Variants in NIBAN1 observed in about 807,000 individuals in gnomAD.
The protein encoded by NIBAN1 is protein Niban 1.
Under a neutral mutation model 75.1 loss-of-function variants are expected in NIBAN1, and 81 were observed. That is an observed-to-expected ratio of 1.08 (90% CI 0.90 to 1.30). NIBAN1 has a LOEUF of 1.30. Ranked by LOEUF, NIBAN1 falls within the 50% of genes most tolerant of loss-of-function variation. The probability of loss-of-function intolerance (pLI) is 0.00; values close to 1 mark genes in which losing one functional copy is unlikely to be tolerated. For missense variants in NIBAN1, 1,133 were observed against 1,128.1 expected (o/e 1.00, Z -0.06); for synonymous variants, 436 against 424.8 (o/e 1.03, Z -0.32).
At chr1:184,894,305 T>A in intron 2 of NIBAN1, 99 bp from the exon 3 acceptor site, 3 of 1,284,992 alleles carry the variant, frequency 2.3e-6, no homozygotes, top group Non-Finnish European at 3.1e-6. Flanking sequence ...TTTAGGAAAC[T>A]ATCTTCCACT....
intron 1 of NIBAN1, among the ~76,000 whole-genome samples, chr1:184,936,693 G>A (rs893082777): frequency 1.3e-5 from 2 of 152,148 alleles, no homozygotes; most frequent in African/African-American, 4.8e-5. Context: ...CACACTGCGT[G>A]CGTGCGTGTG....
chr1:184,898,691 A>C (rs754743248), intron 2 of NIBAN1, among the ~76,000 whole-genome samples: 4 of 152,166 alleles, frequency 2.6e-5, no homozygotes, highest in Non-Finnish European at 5.9e-5. Flanking sequence ...TAATTTGTTT[A>C]TTACCCGTTT....
rs145686869 is a variant in NIBAN1, at chr1:184,791,895, T to C, written c.*3082A>G. On this transcript the variant is annotated 3_prime_UTR_variant, in exon 14 of 14. Transcript: ENST00000367511. ...ATGTTAAAATGAAGACAGAGTATTT[T>C]AAATGCACTCTAGTTTCCTGTTCCA... 75 of 152,294 alleles carry C rather than the reference T, an allele frequency of 4.9e-4. No individual in the cohort carries two copies. Among genetic ancestry groups the C allele is most frequent in the African/African-American group, 1.8e-3 (73 of 41,552 alleles). The allele number at this position is 152,294 out of a possible 1,614,324, so 9.4% of individuals were successfully genotyped here.
intron 5 of NIBAN1, chr1:184,867,937 A>G (rs1656000976): frequency 3.0e-6 from 3 of 985,454 alleles, no homozygotes; most frequent in Non-Finnish European, 3.6e-6. Flanking sequence ...ACAACGGGAC[A>G]GTGTGGCAGT....
intron 1 of NIBAN1, among the ~76,000 whole-genome samples, chr1:184,956,033 G>GTTTTT (rs1553231287): frequency 1.4e-5 from 2 of 148,032 alleles, no homozygotes; most frequent in African/African-American, 5.0e-5. Flanking sequence ...CTTTTTGTTT[G>GTTTTT]TTTTTTTTTT....
rs533849823 is a variant in NIBAN1, at chr1:184,956,752, T to A, written c.55+17550A>T. Among the ~76,000 whole-genome samples the A allele has an allele frequency of 2.0e-5, 3 of 152,192 alleles. No individual in the cohort carries two copies. The East Asian group carries it at 5.8e-4, about 29-fold the overall frequency. The stretch of plus-strand genomic sequence containing the variant: ...TTAAAAATGTTACTCTAAAAAGGGG[T>A]CCATAGGCTTTAACAAACCACCAAA... On this transcript the variant is annotated intron_variant, in intron 1 of 13. Transcript: ENST00000367511.
intron 1 of NIBAN1, among the ~76,000 whole-genome samples, chr1:184,915,092 CT>C (rs1299182373): frequency 3.3e-5 from 5 of 152,150 alleles, no homozygotes; most frequent in African/African-American, 4.8e-5. Flanking sequence ...TCTAGAAAAC[CT>C]TTCATGTCTT....
intron 1 of NIBAN1, among the ~76,000 whole-genome samples, chr1:184,962,085 A>T (rs115477899): frequency 6.6e-6 from 1 of 152,244 alleles, no homozygotes; most frequent in Non-Finnish European, 1.5e-5. Context: ...AGACATCAAC[A>T]TAAGGACTGA....
At chr1:184,970,066 G>GGGT (rs1658897627) in intron 1 of NIBAN1, among the ~76,000 whole-genome samples, 2 of 151,870 alleles carry the variant, frequency 1.3e-5, no homozygotes, top group South Asian at 4.2e-4. Context: ...CTACTAAGGA[G>GGGT]GGTGAGGTGG....
intron 5 of NIBAN1, among the ~76,000 whole-genome samples, chr1:184,872,361 C>T (rs1478410717): frequency 6.6e-6 from 1 of 151,346 alleles, no homozygotes; most frequent in East Asian, 1.9e-4. Context: ...AGCACAGAAA[C>T]TGTTCAGGGA....
In NIBAN1 at chr1:184,792,386, G is replaced by T. The variant is rs1653721896; in HGVS notation, c.*2591C>A. 1 of 152,516 alleles carries T rather than the reference G, an allele frequency of 6.6e-6. No homozygotes were observed. Among genetic ancestry groups the T allele is most frequent in the African/African-American group, 2.4e-5 (1 of 41,456 alleles). The allele number at this position is 152,516 out of a possible 1,614,324, so 9.4% of individuals were successfully genotyped here. On this transcript the variant is annotated 3_prime_UTR_variant, in exon 14 of 14. Transcript: ENST00000367511. ...TGTTCATCCATCCAATGCAGTGAAA[G>T]GTACTCTCTTTTAGGGTTGAAAAAA...
rs371432160 is a variant in NIBAN1, at chr1:184,804,745, A to G, written c.1447-1053T>C. 4.8e-5 allele frequency among the ~76,000 whole-genome samples: 7 copies of G among 146,698 alleles called. No individual in the cohort carries two copies. In the East Asian group the frequency reaches 8.0e-4, roughly 17 times the overall value. ...TTAGTTGCATTGCAATTTCATCATT[A>G]TGTGTGTTATCATGAGCAATATTGG... On this transcript the variant is annotated intron_variant, in intron 11 of 13. Coordinates refer to ENST00000367511, the MANE Select transcript of NIBAN1 (RefSeq NM_052966.4).
intron 6 of NIBAN1, among the ~76,000 whole-genome samples, chr1:184,823,953 T>A (rs1018124700): frequency 2.0e-5 from 3 of 152,230 alleles, no homozygotes. Flanking sequence ...CAAGGAACAG[T>A]AACATCTGCT....
intron 5 of NIBAN1, among the ~76,000 whole-genome samples, chr1:184,862,067 T>C (rs951008232): frequency 6.6e-6 from 1 of 152,184 alleles, no homozygotes; most frequent in Non-Finnish European, 1.5e-5. Context: ...AACAATAAGA[T>C]TGACCTGGCC....
intron 5 of NIBAN1, among the ~76,000 whole-genome samples, chr1:184,865,707 C>T (rs1655939180): frequency 6.6e-6 from 1 of 152,162 alleles, no homozygotes; most frequent in Non-Finnish European, 1.5e-5. Flanking sequence ...TTCACTTTGT[C>T]TGGTCAGTCT....
chr1:184,900,888 A>G (rs234673), intron 1 of NIBAN1, among the ~76,000 whole-genome samples: 87,586 of 152,136 alleles, frequency 0.58, 26,407 homozygotes, highest in African/African-American at 0.77. Flanking sequence ...GTACTTTCAT[A>G]TGAACTTGAC....
intron 5 of NIBAN1, among the ~76,000 whole-genome samples, chr1:184,843,355 T>A (rs1203542692): frequency 6.6e-6 from 1 of 152,220 alleles, no homozygotes; most frequent in Non-Finnish European, 1.5e-5. Flanking sequence ...TTCTTTACCA[T>A]AAGTTTTTTT....
In NIBAN1 at chr1:184,914,721, CTT is replaced by C. The variant is rs35169090; in HGVS notation, c.56-15414_56-15413del. On this transcript the variant is annotated intron_variant, in intron 1 of 13. Transcript: ENST00000367511. ...CAAAATTAATGGTTTAGTTAACTTT[CTT>C]TTTTTTTTTTTTTTTGAGACAGAAT... 1.5e-3 allele frequency among the ~76,000 whole-genome samples: 195 copies of C among 126,332 alleles called. 2 individuals carry two copies. The highest frequency in any genetic ancestry group is 9.8e-3 in the East Asian group (44 of 4,480). 82.9% of individuals were successfully genotyped at this position (126,332 alleles called of 152,430 possible).
At chr1:184,926,756 CT>C (rs1257279863) in intron 1 of NIBAN1, among the ~76,000 whole-genome samples, 1 of 152,138 alleles carries the variant, frequency 6.6e-6, no homozygotes, top group Non-Finnish European at 1.5e-5. Flanking sequence ...CTTTCTACCC[CT>C]ATCTGTCTGT....
Sources: allele counts gnomAD v4.1 joint callset (sites outside exome capture counted in the v4.1 genomes callset), GRCh38; gene constraint gnomAD v4.1.1; transcripts MANE v1.5; gene names NCBI Gene and HGNC (gene_info 2026-07-23, HGNC 2026-07-21).